Variants in NOS1 observed in about 807,000 individuals in gnomAD.
NOS1 encodes the protein NOS type I.
A neutral mutation model predicts 164.5 loss-of-function variants in NOS1; 51 were observed. The observed-to-expected ratio is 0.31, with a 90% CI of 0.25 to 0.39. The LOEUF is 0.39. NOS1 is among the 10% of genes least tolerant of loss of function. The pLI, the probability that NOS1 is intolerant of heterozygous loss-of-function variation, is 1.00. For synonymous variants in NOS1, 719 were observed against 745.8 expected (o/e 0.96, Z 0.59); for missense variants, 1,362 against 1,885.6 (o/e 0.72, Z 5.14).
chr12:117,288,033 G>A (rs1444268385), intron 5 of NOS1, 41 bp downstream of exon 5: 44 of 1,610,508 alleles, frequency 2.7e-5, no homozygotes, highest in Non-Finnish European at 3.3e-5. Context: ...TCCAGCATTC[G>A]ATAACTTACC....
At chr12:117,252,675 ACT>A (rs1871186557) in intron 17 of NOS1, among the ~76,000 whole-genome samples, 1 of 151,966 alleles carries the variant, frequency 6.6e-6, no homozygotes, top group African/African-American at 2.4e-5. Context: ...GGATGTGGGA[ACT>A]CTCTGTACTT....
At chr12:117,310,625 T>C (rs1422295064) in intron 3 of NOS1, among the ~76,000 whole-genome samples, 1 of 152,068 alleles carries the variant, frequency 6.6e-6, no homozygotes, top group Non-Finnish European at 1.5e-5. Context: ...CTTTTCATCA[T>C]GTATCTTTTT....
intron 22 of NOS1, among the ~76,000 whole-genome samples, chr12:117,228,186 A>G (rs1868870226): frequency 6.6e-6 from 1 of 152,180 alleles, no homozygotes; most frequent in Non-Finnish European, 1.5e-5. Flanking sequence ...ATTCTGTGCT[A>G]AGTTTTGATT....
intron 3 of NOS1, among the ~76,000 whole-genome samples, chr12:117,303,326 A>G (rs1006601131): frequency 6.6e-6 from 1 of 152,164 alleles, no homozygotes; most frequent in Non-Finnish European, 1.5e-5. Flanking sequence ...AGAGCTCTCT[A>G]GAGAAGCTGG....
At chr12:117,278,690 A>G (rs1277653150) in intron 8 of NOS1, among the ~76,000 whole-genome samples, 1 of 152,004 alleles carries the variant, frequency 6.6e-6, no homozygotes, top group African/African-American at 2.4e-5. Context: ...GAAAAAAAAA[A>G]CAACTGGTGA....
In NOS1 at chr12:117,208,626, G is replaced by C; in HGVS notation, c.*6683C>G. On this transcript the variant is annotated 3_prime_UTR_variant, in exon 29 of 29. Transcript: ENST00000317775. ...GGACATGGGAGGGGACTGAGACCCA[G>C]CTCAAGAGCACTGGATCTCAGTGAG... The C allele has an allele frequency of 8.6e-7, 1 of 1,162,610 alleles. No individual in the cohort carries two copies. Among genetic ancestry groups the C allele is most frequent in the Non-Finnish European group, 1.1e-6 (1 of 927,360 alleles). The allele number at this position is 1,162,610 out of a possible 1,614,324, so 72.0% of individuals were successfully genotyped here. A position where few individuals can be genotyped will look rare whatever the true frequency, so the allele number is the denominator to read the frequency against.
chr12:117,269,698 CCT>C (rs987432451), intron 10 of NOS1, among the ~76,000 whole-genome samples: 15 of 152,042 alleles, frequency 9.9e-5, no homozygotes, highest in Non-Finnish European at 1.8e-4. Context: ...GATCTCTTGA[CCT>C]CGTGATCCAC....
chr12:117,250,200 C>A (rs1193429069), intron 17 of NOS1, among the ~76,000 whole-genome samples: 2 of 150,988 alleles, frequency 1.3e-5, no homozygotes, highest in African/African-American at 4.9e-5. Flanking sequence ...GGTTAATATC[C>A]ACTCCCCTCA....
intron 20 of NOS1, among the ~76,000 whole-genome samples, chr12:117,236,384 G>C (rs904286229): frequency 1.3e-5 from 2 of 152,086 alleles, no homozygotes; most frequent in African/African-American, 4.8e-5. Context: ...AAAAAGAGTT[G>C]AGCGGGCACA....
intron 2 of NOS1, among the ~76,000 whole-genome samples, chr12:117,320,370 C>T (rs1279198707): frequency 6.6e-6 from 1 of 152,102 alleles, no homozygotes; most frequent in African/African-American, 2.4e-5. Context: ...AAGCAAGATG[C>T]TCTGCTCCTG....
intron 11 of NOS1, among the ~76,000 whole-genome samples, 169 bp from the exon 12 acceptor site, chr12:117,265,679 A>G (rs1378353275): frequency 2.0e-5 from 3 of 152,140 alleles, no homozygotes; most frequent in African/African-American, 7.2e-5. Context: ...CCTTCCACTT[A>G]GACCCAGGAG....
chr12:117,247,630 T>C, intron 17 of NOS1, 108 bp from the exon 18 acceptor site: 1 of 913,344 alleles, frequency 1.1e-6, no homozygotes, highest in Non-Finnish European at 1.6e-6. Flanking sequence ...ATATTAAAAC[T>C]CTAATCTCCT....
At position 117,220,607 on chromosome 12, in the gene NOS1, G is replaced by C. The variant is rs554156697; in HGVS notation, c.3976-338C>G. On this transcript the variant is annotated intron_variant, in intron 26 of 28. Coordinates refer to ENST00000317775, the MANE Select transcript of NOS1 (RefSeq NM_000620.5). ...CATTCACTACCCACTTCTCTCTCCT[G>C]GTGGCCAATGGTCACCGGGTGTTAA... 3.3e-5 allele frequency among the ~76,000 whole-genome samples: 5 copies of C among 152,206 alleles called. No homozygotes were observed. In the South Asian group the frequency reaches 1.0e-3, roughly 32 times the overall value.
chr12:117,288,745 C>CT (rs1872864230), intron 4 of NOS1, among the ~76,000 whole-genome samples: 1 of 152,230 alleles, frequency 6.6e-6, no homozygotes, highest in Admixed American at 6.5e-5. Context: ...TGTGACAACT[C>CT]TGAGTCTAAG....
Position 117,237,840 on chromosome 12 carries a change from A to C in NOS1, c.3042-3082T>G, listed in dbSNP as rs566740576. Reference sequence around the variant, plus strand: ...GAGGGGAAGGACAGCAAAGTGCCCTATTCTCATTGAGAAGTCACTTAAAGG... The same window carrying C: ...GAGGGGAAGGACAGCAAAGTGCCCTCTTCTCATTGAGAAGTCACTTAAAGG... On this transcript the variant is annotated intron_variant, in intron 20 of 28. Coordinates refer to ENST00000317775, the MANE Select transcript of NOS1 (RefSeq NM_000620.5). Among the ~76,000 whole-genome samples the C allele has an allele frequency of 2.6e-5, 4 of 152,250 alleles. No homozygotes were observed. The East Asian group carries it at 7.7e-4, about 29-fold the overall frequency.
chr12:117,295,382 T>C (rs1159629268), intron 3 of NOS1, among the ~76,000 whole-genome samples: 1 of 152,216 alleles, frequency 6.6e-6, no homozygotes, highest in Non-Finnish European at 1.5e-5. Flanking sequence ...AAAATTTCAT[T>C]GGGGCTCATT....
At chr12:117,266,536 T>C (rs558600600) in intron 11 of NOS1, among the ~76,000 whole-genome samples, 2 of 151,940 alleles carry the variant, frequency 1.3e-5, no homozygotes, top group African/African-American at 4.8e-5. Flanking sequence ...AGGTTTTTTT[T>C]TTCTTTTCTT....
At chr12:117,322,041 TCTCCTTCCTTCC>T (rs1306718283) in intron 2 of NOS1, among the ~76,000 whole-genome samples, 44 of 101,134 alleles carry the variant, frequency 4.4e-4, no homozygotes, top group African/African-American at 1.0e-3. Context: ...TTCCTCCTTC[TCTCCTTCCTTCC>T]CTCCTTCCTT....
intron 2 of NOS1, 140 bp from the exon 3 acceptor site, chr12:117,311,732 C>T: frequency 5.9e-6 from 5 of 846,248 alleles, no homozygotes; most frequent in Non-Finnish European, 8.6e-6. Context: ...GCTTTGGGTA[C>T]CCATCCTGCT....
Sources: allele counts gnomAD v4.1 joint callset (sites outside exome capture counted in the v4.1 genomes callset), GRCh38; gene constraint gnomAD v4.1.1; transcripts MANE v1.5; gene names NCBI Gene and HGNC (gene_info 2026-07-23, HGNC 2026-07-21).